The following FILIP1 variants were observed in gnomAD, a reference collection of about 807,000 sequenced individuals.
The protein encoded by FILIP1 is filamin A interacting protein 1.
A neutral mutation model predicts 102.1 loss-of-function variants in FILIP1; 61 were observed. That is an observed-to-expected ratio of 0.60 (90% CI 0.49 to 0.74). The LOEUF is 0.74. FILIP1 is among the 30% of genes least tolerant of loss of function. The pLI, the probability that FILIP1 is intolerant of heterozygous loss-of-function variation, is 0.00. For missense variants in FILIP1, 1,314 were observed against 1,441.2 expected (o/e 0.91, Z 1.43); for synonymous variants, 491 against 526.9 (o/e 0.93, Z 0.93).
chr6:75,332,639 G>A (rs1200823161), intron 4 of FILIP1, among the ~76,000 whole-genome samples: 1 of 152,168 alleles, frequency 6.6e-6, no homozygotes, highest in Non-Finnish European at 1.5e-5. Flanking sequence ...AAGTTAAATG[G>A]AAGGATTCCC....
At chr6:75,485,621 T>C (rs534834221) in intron 1 of FILIP1, among the ~76,000 whole-genome samples, 7 of 152,296 alleles carry the variant, frequency 4.6e-5, no homozygotes, top group African/African-American at 1.7e-4. Flanking sequence ...GCTCTCCTTT[T>C]ACTTCAAACA....
chr6:75,306,804 G>A (rs1472745986), downstream of FILIP1, among the ~76,000 whole-genome samples: 1 of 104,472 alleles, frequency 9.6e-6, no homozygotes, highest in Non-Finnish European at 2.1e-5. Flanking sequence ...CCAGGCTGGA[G>A]TGCAGTGGCA....
chr6:75,443,405 C>G (rs1468670652), intron 1 of FILIP1, among the ~76,000 whole-genome samples: 1 of 152,030 alleles, frequency 6.6e-6, no homozygotes, highest in Non-Finnish European at 1.5e-5. Flanking sequence ...TTTTTAGAAA[C>G]ATTTTTCTGA....
At chr6:75,417,263 G>A (rs1174991895) in intron 1 of FILIP1, among the ~76,000 whole-genome samples, 1 of 152,036 alleles carries the variant, frequency 6.6e-6, no homozygotes, top group Non-Finnish European at 1.5e-5. Flanking sequence ...CCTTTGGCAT[G>A]AACATAAAGA....
At chr6:75,420,944 G>T (rs2149695568) in intron 1 of FILIP1, among the ~76,000 whole-genome samples, 1 of 152,100 alleles carries the variant, frequency 6.6e-6, no homozygotes, top group African/African-American at 2.4e-5. Context: ...TTAGAATATA[G>T]GTTTATAGAA....
chr6:75,340,894 G>A (rs1334645794), intron 4 of FILIP1, among the ~76,000 whole-genome samples: 2 of 141,072 alleles, frequency 1.4e-5, no homozygotes, highest in African/African-American at 5.4e-5. Context: ...TGTAAAGACG[G>A]TGTTTTGCCA....
intron 4 of FILIP1, among the ~76,000 whole-genome samples, chr6:75,344,954 G>T (rs1424377852): frequency 6.6e-6 from 1 of 152,182 alleles, no homozygotes; most frequent in Non-Finnish European, 1.5e-5. Flanking sequence ...TTTTTAAAAA[G>T]ATAAACTCTC....
chr6:75,431,209 G>C (rs1777812298), intron 1 of FILIP1, among the ~76,000 whole-genome samples: 1 of 152,130 alleles, frequency 6.6e-6, no homozygotes, highest in Admixed American at 6.6e-5. Flanking sequence ...TACACATCAA[G>C]AAAGTACAAA....
At chr6:75,360,466 A>G (rs1430526789) in intron 3 of FILIP1, among the ~76,000 whole-genome samples, 2 of 152,184 alleles carry the variant, frequency 1.3e-5, no homozygotes, top group Non-Finnish European at 2.9e-5. Context: ...TTACTAAAGG[A>G]GAAAACAAAA....
intron 4 of FILIP1, among the ~76,000 whole-genome samples, chr6:75,332,538 G>C (rs1188592164): frequency 6.6e-6 from 1 of 152,150 alleles, no homozygotes; most frequent in Non-Finnish European, 1.5e-5. Context: ...CCATTCTTAA[G>C]GAATGTATTG....
chr6:75,323,580 G>A (rs1054684399), intron 4 of FILIP1, among the ~76,000 whole-genome samples: 3 of 152,106 alleles, frequency 2.0e-5, no homozygotes, highest in Non-Finnish European at 1.5e-5. Flanking sequence ...GTGTTAGAGG[G>A]GCTGACAAGA....
At chr6:75,357,458 C>T (rs534381647) in intron 3 of FILIP1, 20 of 152,360 alleles carry the variant, frequency 1.3e-4, no homozygotes, top group East Asian at 1.9e-4. Flanking sequence ...GACTAAGCCA[C>T]TGGAGTAGGT....
intron 1 of FILIP1, among the ~76,000 whole-genome samples, chr6:75,443,828 C>T (rs1049376996): frequency 1.3e-5 from 2 of 152,150 alleles, no homozygotes; most frequent in Non-Finnish European, 2.9e-5. Flanking sequence ...AAATGGATTA[C>T]CTCTAAATTT....
chr6:75,409,830 A>C (rs1777000136), intron 2 of FILIP1, among the ~76,000 whole-genome samples: 1 of 152,020 alleles, frequency 6.6e-6, no homozygotes, highest in Non-Finnish European at 1.5e-5. Context: ...TCCTGACTCA[A>C]CCAGTCCTAT....
intron 1 of FILIP1, among the ~76,000 whole-genome samples, chr6:75,467,602 T>C (rs1779205857): frequency 6.6e-6 from 1 of 152,156 alleles, no homozygotes; most frequent in African/African-American, 2.4e-5. Flanking sequence ...TACACACTGG[T>C]TTCCATTTCA....
rs556699316 is a variant in FILIP1, at chr6:75,485,347, TAATG to T, written c.-7+8063_-7+8066del. Among the ~76,000 whole-genome samples, 277 of 152,338 alleles carry T rather than the reference TAATG, an allele frequency of 1.8e-3. 2 individuals carry two copies. The highest frequency in any genetic ancestry group is 6.3e-3 in the African/African-American group (262 of 41,576). ...GTACAAGTCCTGTGCTATTAACCAA[TAATG>T]AATGTAGTGTGTTTGGGGATGGGGA... On this transcript the variant is annotated intron_variant, in intron 1 of 5. Coordinates refer to ENST00000237172, the MANE Select transcript of FILIP1 (RefSeq NM_015687.5).
chr6:75,446,871 G>A lies in FILIP1; in HGVS notation c.-6-31893C>T, dbSNP rs149501850. ...ACACACAATGTGGCACATTTCCTGAGCTGGCTAATTGAGCCAGTTGCTTCT... is the reference window on the plus strand; with the variant it reads ...ACACACAATGTGGCACATTTCCTGAACTGGCTAATTGAGCCAGTTGCTTCT... On this transcript the variant is annotated intron_variant, in intron 1 of 5. Coordinates refer to ENST00000237172, the MANE Select transcript of FILIP1 (RefSeq NM_015687.5). 2.5e-3 allele frequency among the ~76,000 whole-genome samples: 379 copies of A among 152,272 alleles called. 3 individuals carry two copies. The highest frequency in any genetic ancestry group is 0.01 in the Middle Eastern group (3 of 294).
At chr6:75,375,408 T>G (rs1226547235) in intron 2 of FILIP1, among the ~76,000 whole-genome samples, 1 of 152,098 alleles carries the variant, frequency 6.6e-6, no homozygotes, top group Non-Finnish European at 1.5e-5. Context: ...CGCTGTGCAC[T>G]TACAGGGGCA....
At chr6:75,472,307 T>G (rs967054200) in intron 1 of FILIP1, among the ~76,000 whole-genome samples, 2 of 152,112 alleles carry the variant, frequency 1.3e-5, no homozygotes, top group Admixed American at 6.6e-5. Context: ...ATGATATAAG[T>G]GCTCTTTAAT....
Sources: gnomAD v4.1 joint callset for allele counts (sites outside exome capture counted in the v4.1 genomes callset) on GRCh38, gnomAD v4.1.1 for gene constraint, MANE v1.5 for transcripts, NCBI Gene and HGNC (gene_info 2026-07-23, HGNC 2026-07-21) for gene names.